The following KMT2D variants were observed in gnomAD, a reference collection of about 807,000 sequenced individuals.
KMT2D encodes lysine methyltransferase 2D, also known as histone-lysine N-methyltransferase 2D.
A neutral mutation model predicts 512.7 loss-of-function variants in KMT2D; 55 were observed. The ratio of observed to expected loss-of-function variants is 0.11; its 90% CI spans 0.09 to 0.13. KMT2D has a LOEUF of 0.13. KMT2D is among the 10% of genes least tolerant of loss of function. The pLI, the probability that KMT2D is intolerant of heterozygous loss-of-function variation, is 1.00. For missense variants in KMT2D, 6,061 were observed against 7,127.9 expected, an observed-to-expected ratio of 0.85 and a Z score of 5.39; for synonymous variants, 2,995 against 2,904.0, an observed-to-expected ratio of 1.03 and a Z score of -1.01.
chr12:49,057,938 G>A lies in KMT2D; in HGVS notation c.-38+1675C>T, dbSNP rs966837497. ...AGAGGTCCAAAACAGCAAAGAAAAG[G>A]ACAGGGATTTATCTCAACCCACTCT... On this transcript the variant is annotated intron_variant, in intron 1 of 54. Transcript: ENST00000301067. Among the ~76,000 whole-genome samples the A allele has an allele frequency of 2.6e-5, 4 of 152,250 alleles. No homozygotes were observed. In the South Asian group the frequency reaches 8.3e-4, roughly 32 times the overall value.
In KMT2D at chr12:49,021,736, G is replaced by T. The variant is rs1410048740; in HGVS notation, c.*44C>A. 2.0e-6 allele frequency: 3 copies of T among 1,470,798 alleles called. No individual in the cohort carries two copies. The Admixed American group carries it at 5.0e-5, about 25-fold the overall frequency. The allele number at this position is 1,470,798 out of a possible 1,614,324, so 91.1% of individuals were successfully genotyped here. A position where few individuals can be genotyped will look rare whatever the true frequency, so the allele number is the denominator to read the frequency against. On this transcript the variant is annotated 3_prime_UTR_variant, in exon 55 of 55. Coordinates refer to ENST00000301067, the MANE Select transcript of KMT2D (RefSeq NM_003482.4). ...CCCCCTCATCCCTTTCAGGGAAGAG[G>T]TTGTGGGTAGGGGGACTCCCCTGCC... is the stretch of plus-strand genomic sequence containing the variant.
At position 49,030,606 on chromosome 12, in the gene KMT2D, T is replaced by G. The variant is rs747600863; in HGVS notation, c.13834A>C (p.Thr4612Pro). 8 of 1,563,180 alleles carry G rather than the reference T, an allele frequency of 5.1e-6. No individual in the cohort carries two copies. Among genetic ancestry groups the G allele is most frequent in the Non-Finnish European group, 6.9e-6 (8 of 1,153,054 alleles). Residue 4612 changes from threonine to proline, a missense_variant, in exon 42 of 55, where the codon ACC (threonine) becomes CCC (proline). Physicochemically the swap from Thr to Pro is conservative, Grantham distance 38 (BLOSUM62 -1). Transcript: ENST00000301067. ...AATATTGCCATTTTTCTGACCTTGGTAAGCAGCTGGGAATAGTAGTCAGGG... is the reference window on the plus strand; with the variant it reads ...AATATTGCCATTTTTCTGACCTTGGGAAGCAGCTGGGAATAGTAGTCAGGG... ...TGPDYYSQLL[T>P]KNNLSNPPTP...
In KMT2D at chr12:49,021,598, G is replaced by A; in HGVS notation, c.*182C>T. 1.7e-6 allele frequency: 1 copy of A among 586,176 alleles called. No individual in the cohort carries two copies. Among genetic ancestry groups the A allele is most frequent in the East Asian group, 2.8e-5 (1 of 35,564 alleles). The allele number at this position is 586,176 out of a possible 1,614,324, so 36.3% of individuals were successfully genotyped here. A position where few individuals can be genotyped will look rare whatever the true frequency, so the allele number is the denominator to read the frequency against. ...GGTGGTGGGGAAGAGGATTGTCCCT[G>A]GTGCCCAGGGTGGGCTTGGCCTAGG... On this transcript the variant is annotated 3_prime_UTR_variant, in exon 55 of 55. Coordinates refer to ENST00000301067, the MANE Select transcript of KMT2D (RefSeq NM_003482.4).
At position 49,046,942 on chromosome 12, in the gene KMT2D, T is replaced by A. The variant is rs1024592750; in HGVS notation, c.4237-152A>T. ...CTCACTGCAACCTCTGCCTCTCAGG[T>A]ACAAGTGATTCTCTTGTCTCAGCCT... On this transcript the variant is annotated intron_variant, in intron 15 of 54. Transcript: ENST00000301067. This position sits in a 1 kb window ranked among gnomAD's most constrained non-coding sequence, Gnocchi z 4.2. Among the ~76,000 whole-genome samples, 1 of 152,050 alleles carries A rather than the reference T, an allele frequency of 6.6e-6. No individual in the cohort carries two copies. Among genetic ancestry groups the A allele is most frequent in the Non-Finnish European group, 1.5e-5 (1 of 68,000 alleles).
chr12:49,042,243 T>C lies in KMT2D; in HGVS notation c.5955A>G (p.Thr1985=). Residue 1985 remains threonine (T), a synonymous_variant, in exon 29 of 55, where the codon ACA becomes ACG. Transcript: ENST00000301067. The surrounding 1 kb of genome is among the most constrained non-coding windows in gnomAD (Gnocchi z 4.4). ...GSGGTTPSTP[T]TPTTEGEGDG... ...CGCCCTCACCCTCCGTGGTGGGGGT[T>C]GTGGGGGTGGAGGGCGTGGTGCCAC... is the stretch of plus-strand genomic sequence containing the variant. The C allele has an allele frequency of 1.3e-6, 2 of 1,590,120 alleles. No homozygotes were observed. The highest frequency in any genetic ancestry group is 1.8e-5 in the Admixed American group (1 of 55,736).
In KMT2D at chr12:49,043,826, G is replaced by C. The variant is rs768865234; in HGVS notation, c.5319+42C>G. On this transcript the variant is annotated intron_variant, in intron 23 of 54. Coordinates refer to ENST00000301067, the MANE Select transcript of KMT2D (RefSeq NM_003482.4). ...GAAACAGTTTTCTTCATGCCCTGCA[G>C]GGCACAGACACCTCCCTCACTGCTT... The C allele has an allele frequency of 1.9e-6, 3 of 1,613,772 alleles. No individual in the cohort carries two copies. In the African/African-American group the frequency reaches 4.0e-5, roughly 22 times the overall value.
Position 49,054,506 on chromosome 12 carries a change from C to A in KMT2D, c.400+22G>T. 6.3e-7 allele frequency: 1 copy of A among 1,596,690 alleles called. No homozygotes were observed. Among genetic ancestry groups the A allele is most frequent in the East Asian group, 2.3e-5 (1 of 44,136 alleles). On this transcript the variant is annotated intron_variant, in intron 4 of 54. Transcript: ENST00000301067. This position sits in a 1 kb window ranked among gnomAD's most constrained non-coding sequence, Gnocchi z 6.4. ...GACTACCCAGCCCTTATCCCATTTC[C>A]TGCCCCATTCTCCTCACTCACCTCC... is the stretch of plus-strand genomic sequence containing the variant.
At position 49,033,287 on chromosome 12, in the gene KMT2D, C is replaced by A. The variant is rs1287045120; in HGVS notation, c.11418G>T (p.Gln3806His). Reference sequence around the variant, plus strand: ...GGTGCTGCTGCTGCAACACAGCCACCTGGGCAGGGCCCAGCATGCCCTGGG... The same window carrying A: ...GGTGCTGCTGCTGCAACACAGCCACATGGGCAGGGCCCAGCATGCCCTGGG... ...QGPQGMLGPA[Q>H]VAVLQQQHPG... The change falls in exon 40 of 55, where the codon CAG becomes CAT. Residue 3806 changes from glutamine (Q) to histidine (H), a missense_variant. This residue lies in a region of KMT2D where 1,600 missense variants were observed against 1,754.9 expected (regional missense o/e 0.91). Coordinates refer to ENST00000301067, the MANE Select transcript of KMT2D (RefSeq NM_003482.4). 2.5e-6 allele frequency: 4 copies of A among 1,579,656 alleles called. No homozygotes were observed. The South Asian group carries it at 4.6e-5, about 18-fold the overall frequency.
Position 49,034,825 on chromosome 12 carries a change from G to T in KMT2D, c.10342C>A (p.Pro3448Thr), listed in dbSNP as rs752712305. ...CCTGAGTCTTACCTGTTCATACCAG[G>T]TGCCACCCCAATGCTGCCCTGAGCC... ...VMAQGSIGVA[P>T]GMNRQQVSLL... Residue 3448 changes from proline to threonine, a missense_variant, in exon 36 of 55, where the codon CCT becomes ACT. Pro to Thr is a conservative substitution (Grantham distance 38, BLOSUM62 -1). Around this residue, in one of 16 missense-constraint regions of KMT2D, gnomAD observed 533 missense variants for 539.6 expected, o/e 0.99. Transcript: ENST00000301067. 2 of 1,613,956 alleles carry T rather than the reference G, an allele frequency of 1.2e-6. No individual in the cohort carries two copies. Among genetic ancestry groups the T allele is most frequent in the African/African-American group, 2.7e-5 (2 of 75,036 alleles).
rs1232307242 is a variant in KMT2D, at chr12:49,041,384, G to A, written c.6386C>T (p.Pro2129Leu). 3.1e-6 allele frequency: 5 copies of A among 1,601,168 alleles called. No homozygotes were observed. Among genetic ancestry groups the A allele is most frequent in the Non-Finnish European group, 4.3e-6 (5 of 1,173,486 alleles). ...GGTAGACAAGCCGGCGGGGGTAGTG[G>A]GGCTGCCAATGAAAATGGTGGGGGC... ...AAAPTIFIGS[P>L]TTPAGLSTSA... is the part of the protein sequence containing the mutation. The change falls in exon 32 of 55, where the codon CCC becomes CTC. Residue 2129 changes from proline to leucine, a missense_variant. By Grantham distance (98) the Pro-to-Leu change is moderately conservative. Transcript: ENST00000301067. This position sits in a 1 kb window ranked among gnomAD's most constrained non-coding sequence, Gnocchi z 5.4.
At position 49,033,155 on chromosome 12, in the gene KMT2D, G is replaced by A. The variant is rs958585817; in HGVS notation, c.11550C>T (p.His3850=). 19 of 1,550,726 alleles carry A rather than the reference G, an allele frequency of 1.2e-5. No homozygotes were observed. The African/African-American group carries it at 2.3e-4, about 19-fold the overall frequency. ...GCTGCTGCTGGGCTGTGACCAGCCT[G>A]TGTCCCATAAGGCCCTGACCCTGCT... ...LAQQGQGLMG[H]RLVTAQQQQQ... The change falls in exon 40 of 55, where the codon CAC becomes CAT. Residue 3850 remains histidine, a synonymous_variant. Transcript: ENST00000301067.
Position 49,024,519 on chromosome 12 carries a change from C to T in KMT2D, c.16052+59G>A, listed in dbSNP as rs2137710353. On this transcript the variant is annotated intron_variant, in intron 51 of 54. Coordinates refer to ENST00000301067, the MANE Select transcript of KMT2D (RefSeq NM_003482.4). This position sits in a 1 kb window ranked among gnomAD's most constrained non-coding sequence, Gnocchi z 4.5. ...GTATCCTAAATCCTCATAATGGGACCAGAGGATCCCTGTCAACACCCACAC... is the reference window on the plus strand; with the variant it reads ...GTATCCTAAATCCTCATAATGGGACTAGAGGATCCCTGTCAACACCCACAC... The T allele has an allele frequency of 6.5e-7, 1 of 1,543,848 alleles. No individual in the cohort carries two copies. The highest frequency in any genetic ancestry group is 8.7e-7 in the Non-Finnish European group (1 of 1,144,710).
At chr12:49,053,728 G>A (rs2120700643) in intron 6 of KMT2D, 87 bp from the exon 7 acceptor site, 2 of 1,409,656 alleles carry the variant, frequency 1.4e-6, no homozygotes, top group South Asian at 1.4e-5. Context: ...CACTCCATGG[G>A]CACAGAATGA....
At chr12:49,023,029 A>T (rs1469436561) in intron 51 of KMT2D, among the ~76,000 whole-genome samples, 154 bp from the exon 52 acceptor site, 1 of 152,258 alleles carries the variant, frequency 6.6e-6, no homozygotes, top group African/African-American at 2.4e-5. Flanking sequence ...AAAGGAGTAG[A>T]GGCAACTGGG....
chr12:49,056,279 G>A (rs1270925073), intron 1 of KMT2D, among the ~76,000 whole-genome samples: 1 of 152,160 alleles, frequency 6.6e-6, no homozygotes, highest in Non-Finnish European at 1.5e-5. Flanking sequence ...CCCTCAAGCA[G>A]GGTTTCCACA....
Position 49,039,223 on chromosome 12 carries a change from G to A in KMT2D, c.8365C>T (p.Arg2789Trp), listed in dbSNP as rs768915172. The change falls in exon 34 of 55, where the codon CGG (arginine) becomes TGG (tryptophan). Residue 2789 changes from arginine to tryptophan, a missense_variant and splice_region_variant. By Grantham distance (101) the Arg-to-Trp change is moderately radical. Around this residue, in one of 16 missense-constraint regions of KMT2D, gnomAD observed 527 missense variants for 578.9 expected, o/e 0.91. Coordinates refer to ENST00000301067, the MANE Select transcript of KMT2D (RefSeq NM_003482.4). The surrounding 1 kb of genome is among the most constrained non-coding windows in gnomAD (Gnocchi z 5.0). ...ATPSSMDVNSRQLVGGSQAFY... is the reference protein window; with the variant it reads ...ATPSSMDVNSWQLVGGSQAFY... ...CCAGGGAACCTCCTGGAGCCTCACC[G>A]GCTGTTCACATCCATAGAGGAAGGC... 9.9e-6 allele frequency: 16 copies of A among 1,613,546 alleles called. No individual in the cohort carries two copies. The highest frequency in any genetic ancestry group is 2.2e-5 in the East Asian group (1 of 44,886).
chr12:49,027,552 G>T (rs1942664132), intron 48 of KMT2D, among the ~76,000 whole-genome samples: 1 of 151,950 alleles, frequency 6.6e-6, no homozygotes, highest in African/African-American at 2.4e-5. Flanking sequence ...TGGGTTCAAG[G>T]GATTCTCATG....
In KMT2D at chr12:49,038,525, T is replaced by C. The variant is rs1233626451; in HGVS notation, c.8831A>G (p.Asn2944Ser). ...PSAPPAPELN[N>S]SLHPTPHTKG... ...GGTGTGGGGTGTTGGATGAAGACTG[T>C]TGTTCAATTCAGGGGCCGGTGGGGC... Residue 2944 changes from asparagine (N) to serine (S), a missense_variant, in exon 35 of 55, where the codon AAC (asparagine) becomes AGC (serine). Physicochemically the swap from Asn to Ser is conservative, Grantham distance 46. Coordinates refer to ENST00000301067, the MANE Select transcript of KMT2D (RefSeq NM_003482.4). The surrounding 1 kb of genome is among the most constrained non-coding windows in gnomAD (Gnocchi z 5.7). The C allele has an allele frequency of 6.2e-6, 10 of 1,609,538 alleles. No homozygotes were observed. The highest frequency in any genetic ancestry group is 8.5e-6 in the Non-Finnish European group (10 of 1,176,734).
Position 49,031,694 on chromosome 12 carries a change from A to G in KMT2D, c.13011T>C (p.Pro4337=), listed in dbSNP as rs1437059749. 6.2e-7 allele frequency: 1 copy of G among 1,612,132 alleles called. No homozygotes were observed. Among genetic ancestry groups the G allele is most frequent in the Non-Finnish European group, 8.5e-7 (1 of 1,179,232 alleles). The change falls in exon 40 of 55, where the codon CCT becomes CCC. Residue 4337 remains proline (P), a synonymous_variant. Coordinates refer to ENST00000301067, the MANE Select transcript of KMT2D (RefSeq NM_003482.4). The part of the protein sequence containing the change: ...SSQLPTEAQL[P]PTHPGTPKPQ... ...GTTTGGGGGTCCCTGGATGGGTGGG[A>G]GGGAGCTGGGCCTCAGTGGGAAGCT...
Sources: gnomAD v4.1 joint callset for allele counts (sites outside exome capture counted in the v4.1 genomes callset) on GRCh38, gnomAD v4.1.1 for gene constraint, gnomAD v4.1.1 regional missense constraint, Gnocchi (gnomAD v3.1) non-coding constraint, MANE v1.5 for transcripts, NCBI Gene and HGNC (gene_info 2026-07-23, HGNC 2026-07-21) for gene names.